The following NTN1 variants were observed in gnomAD, a reference collection of about 807,000 sequenced individuals.
NTN1 encodes netrin 1.
In NTN1, 11 loss-of-function variants were observed where a neutral mutation model predicts 54.2. That is an observed-to-expected ratio of 0.20 (90% CI 0.13 to 0.34). NTN1 has a LOEUF of 0.34. NTN1 is among the 10% of genes least tolerant of loss of function. The pLI, the probability that NTN1 is intolerant of heterozygous loss-of-function variation, is 1.00. For missense variants in NTN1, 740 were observed against 893.1 expected (o/e 0.83, Z 2.18); for synonymous variants, 371 against 382.0 (o/e 0.97, Z 0.33).
At chr17:9,021,468 C>T (rs1011560912), upstream of NTN1, 2 of 150,198 alleles carry the variant, frequency 1.3e-5, no homozygotes, top group Non-Finnish European at 3.0e-5. Flanking sequence ...GCGCCCCGCC[C>T]GGCGGCCCCG....
chr17:9,027,411 T>TACCCTAATGTG (rs2091874795), intron 2 of NTN1, among the ~76,000 whole-genome samples: 1 of 152,192 alleles, frequency 6.6e-6, no homozygotes, highest in East Asian at 1.9e-4. Flanking sequence ...TTAGATGGTT[T>TACCCTAATGTG]ACCCTAAGTC....
the NTN1 span, among the ~76,000 whole-genome samples, chr17:9,015,766 C>CAACAA: frequency 2.0e-5 from 3 of 151,928 alleles, no homozygotes; most frequent in South Asian, 2.1e-4. Flanking sequence ...ATTAAAACAA[C>CAACAA]AACAAAACAA....
chr17:9,070,628 G>A (rs1055060903), intron 2 of NTN1, among the ~76,000 whole-genome samples: 2 of 152,138 alleles, frequency 1.3e-5, no homozygotes, highest in Admixed American at 1.3e-4. Flanking sequence ...TCTCATTCTT[G>A]TCTGCCAGGC....
the NTN1 span, among the ~76,000 whole-genome samples, chr17:9,016,275 G>A: frequency 2.0e-5 from 3 of 152,014 alleles, no homozygotes; most frequent in Non-Finnish European, 4.4e-5. Flanking sequence ...GGTCTTTAGA[G>A]CCCAGGTGGA....
At chr17:9,190,884 G>A (rs1904435621) in intron 5 of NTN1, among the ~76,000 whole-genome samples, 1 of 152,124 alleles carries the variant, frequency 6.6e-6, no homozygotes, top group East Asian at 1.9e-4. Context: ...ATACTCAAAT[G>A]TAAACATAAG....
In NTN1 at chr17:9,022,781, G is replaced by C. The variant is rs996196085; in HGVS notation, c.408G>C (p.Leu136=). ...LQFPHNVTLT[L]SLGKKFEVTY... is the part of the protein sequence containing the mutation. The stretch of plus-strand genomic sequence containing the variant: ...TCCCGCACAACGTCACGCTCACACT[G>C]TCCCTCGGCAAGAAGTTCGAAGTGA... Residue 136 remains leucine (L), a synonymous_variant, in exon 2 of 7, where the codon CTG becomes CTC. Transcript: ENST00000173229. 6.2e-7 allele frequency: 1 copy of C among 1,610,372 alleles called. No individual in the cohort carries two copies. Among genetic ancestry groups the C allele is most frequent in the African/African-American group, 1.3e-5 (1 of 74,772 alleles).
chr17:9,238,962 C>T (rs1906090466), intron 6 of NTN1, among the ~76,000 whole-genome samples: 1 of 152,156 alleles, frequency 6.6e-6, no homozygotes, highest in Non-Finnish European at 1.5e-5. Context: ...AGTCCTTCTA[C>T]TAGGGAAAAT....
intron 2 of NTN1, among the ~76,000 whole-genome samples, chr17:9,152,154 G>A (rs1319706552): frequency 6.6e-6 from 1 of 152,030 alleles, no homozygotes; most frequent in East Asian, 1.9e-4. Flanking sequence ...TCACTCTTTG[G>A]GTCCGTGCCA....
At chr17:9,220,944 G>A (rs1416495208) in intron 5 of NTN1, among the ~76,000 whole-genome samples, 1 of 122,474 alleles carries the variant, frequency 8.2e-6, no homozygotes, top group African/African-American at 3.1e-5. Context: ...TGAGGGATTC[G>A]TCAGGCCAGG....
intron 2 of NTN1, among the ~76,000 whole-genome samples, chr17:9,119,779 T>C (rs1338035062): frequency 6.6e-6 from 1 of 152,182 alleles, no homozygotes; most frequent in African/African-American, 2.4e-5. Flanking sequence ...ATTAAAGGCA[T>C]GAGCCGCTGT....
chr17:9,168,138 G>T (rs1421467263), intron 3 of NTN1, among the ~76,000 whole-genome samples: 1 of 152,032 alleles, frequency 6.6e-6, no homozygotes, highest in Admixed American at 6.5e-5. Flanking sequence ...TAGACCCCAG[G>T]TTTATTGTTT....
chr17:9,033,203 C>T (rs2091893110), intron 2 of NTN1, among the ~76,000 whole-genome samples: 2 of 152,104 alleles, frequency 1.3e-5, no homozygotes, highest in Non-Finnish European at 2.9e-5. Flanking sequence ...ATCCACCCTC[C>T]TTGGCCTCCA....
Position 9,221,314 on chromosome 17 carries a change from T to A in NTN1, c.1486+72T>A, listed in dbSNP as rs1597545488. 1 of 1,214,082 alleles carries A rather than the reference T, an allele frequency of 8.2e-7. No individual in the cohort carries two copies. Among genetic ancestry groups the A allele is most frequent in the South Asian group, 1.2e-5 (1 of 83,128 alleles). The allele number at this position is 1,214,082 out of a possible 1,614,324, so 75.2% of individuals were successfully genotyped here. Reference sequence around the variant, plus strand: ...GACCAGCGAGGTGCTGGGGCTGGGGTGCAGCTGGCCCCCGATGGGTGTTGG... The same window carrying A: ...GACCAGCGAGGTGCTGGGGCTGGGGAGCAGCTGGCCCCCGATGGGTGTTGG... On this transcript the variant is annotated intron_variant, in intron 6 of 6. Transcript: ENST00000173229. This position sits in a 1 kb window ranked among gnomAD's most constrained non-coding sequence, Gnocchi z 4.5.
rs375053041 is a variant in NTN1, at chr17:9,219,198, C to A, written c.1412-1970C>A. 2.0e-5 allele frequency among the ~76,000 whole-genome samples: 3 copies of A among 152,156 alleles called. No individual in the cohort carries two copies. Among genetic ancestry groups the A allele is most frequent in the African/African-American group, 7.2e-5 (3 of 41,428 alleles). On this transcript the variant is annotated intron_variant, in intron 5 of 6. Coordinates refer to ENST00000173229, the MANE Select transcript of NTN1 (RefSeq NM_004822.3). This position sits in a 1 kb window ranked among gnomAD's most constrained non-coding sequence, Gnocchi z 4.5. The stretch of plus-strand genomic sequence containing the variant: ...GCGGTGCTGATGGTGCTGATGGCGC[C>A]GTTGACTTGAGTGTTTGGGCTGCCG...
intron 2 of NTN1, among the ~76,000 whole-genome samples, chr17:9,140,320 C>T (rs1297200417): frequency 3.3e-5 from 5 of 152,210 alleles, no homozygotes; most frequent in Non-Finnish European, 7.3e-5. Context: ...GCAGTCTCTG[C>T]ACCCCCTGCC....
chr17:9,039,842 G>A (rs1298249576), intron 2 of NTN1, among the ~76,000 whole-genome samples: 1 of 152,026 alleles, frequency 6.6e-6, no homozygotes, highest in East Asian at 1.9e-4. Flanking sequence ...TTTATTTCTG[G>A]GGGGGTATTC....
At chr17:9,013,007 C>A in the NTN1 span, among the ~76,000 whole-genome samples, 1 of 151,756 alleles carries the variant, frequency 6.6e-6, no homozygotes, top group Non-Finnish European at 1.5e-5. Flanking sequence ...ATTCTAGGAG[C>A]CATTTTTTGG....
intron 3 of NTN1, among the ~76,000 whole-genome samples, chr17:9,168,619 C>G (rs58291933): frequency 0.043 from 6,480 of 152,098 alleles, 546 homozygotes; most frequent in East Asian, 0.36. Flanking sequence ...GTCATCAGTG[C>G]CAGATAGATA....
At chr17:9,101,726 G>A (rs1200313761) in intron 2 of NTN1, among the ~76,000 whole-genome samples, 1 of 152,224 alleles carries the variant, frequency 6.6e-6, no homozygotes, top group Admixed American at 6.5e-5. Flanking sequence ...GGGTGGCCCA[G>A]TGTGGTGGCT....
Sources: allele counts gnomAD v4.1 joint callset (sites outside exome capture counted in the v4.1 genomes callset), GRCh38; gene constraint gnomAD v4.1.1; non-coding constraint Gnocchi (gnomAD v3.1); transcripts MANE v1.5; gene names NCBI Gene and HGNC (gene_info 2026-07-23, HGNC 2026-07-21).